SMG1: variants seen among roughly 807,000 people sequenced by gnomAD.
The protein encoded by SMG1 is serine/threonine-protein kinase SMG1.
A neutral mutation model predicts 419.9 loss-of-function variants in SMG1; 22 were observed. The ratio of observed to expected loss-of-function variants is 0.05; its 90% confidence interval spans 0.04 to 0.07. The LOEUF (loss-of-function observed/expected upper bound fraction) is 0.07, where lower values mean the gene tolerates loss of function less well. SMG1 is among the 10% of genes least tolerant of loss of function. The pLI is 1.00. For missense variants in SMG1, 3,185 were observed against 4,342.0 expected (o/e 0.73, Z 7.49); for synonymous variants, 1,538 against 1,553.5 (o/e 0.99, Z 0.23).
intron 60 of SMG1, among the ~76,000 whole-genome samples, chr16:18,812,619 C>T (rs1469676714): frequency 6.9e-5 from 10 of 145,794 alleles, no homozygotes; most frequent in Non-Finnish European, 1.4e-4. Context: ...TACATACACA[C>T]ATATATATAC....
chr16:18,857,649 A>C (rs146475034), intron 29 of SMG1: 1 of 152,374 alleles, frequency 6.6e-6, no homozygotes, highest in East Asian at 1.9e-4. Context: ...AAACACAAAT[A>C]TACGTCCACT....
intron 1 of SMG1, among the ~76,000 whole-genome samples, chr16:18,898,456 A>G (rs1205432060): frequency 6.6e-6 from 1 of 152,190 alleles, no homozygotes; most frequent in Admixed American, 6.5e-5. Flanking sequence ...TAAGTCTATA[A>G]GCATTAAAAT....
Position 18,870,817 on chromosome 16 carries a change from C to T in SMG1, c.2374G>A (p.Asp792Asn). The change falls in exon 17 of 63, where the codon GAT becomes AAT. Residue 792 changes from aspartate (D) to asparagine (N), a missense_variant. Physicochemically the swap from Asp to Asn is conservative, Grantham distance 23. Coordinates refer to ENST00000446231, the MANE Select transcript of SMG1 (RefSeq NM_015092.5). ...ATTTCATACCTCTGTAAAAGATCAT[C>T]TGGCAAGGAAGAGGACAGAGCATGT... Reference protein sequence around the residue: ...SLHALSSSLPDDLLQRCVDVC... With the variant: ...SLHALSSSLPNDLLQRCVDVC... The T allele has an allele frequency of 6.3e-7, 1 of 1,583,920 alleles. No individual in the cohort carries two copies. Among genetic ancestry groups the T allele is most frequent in the South Asian group, 1.2e-5 (1 of 86,902 alleles).
chr16:18,862,671 A>G (rs1470789040), intron 25 of SMG1, among the ~76,000 whole-genome samples: 1 of 152,024 alleles, frequency 6.6e-6, no homozygotes, highest in Non-Finnish European at 1.5e-5. Context: ...CAGTCTCTTC[A>G]CCATAGCAGA....
intron 1 of SMG1, among the ~76,000 whole-genome samples, chr16:18,914,868 T>C (rs565333391): frequency 1.3e-5 from 2 of 152,144 alleles, no homozygotes; most frequent in Non-Finnish European, 2.9e-5. Context: ...TAAGTCAATG[T>C]GTAAAAAGAC....
At position 18,843,879 on chromosome 16, in the gene SMG1, A is replaced by C. The variant is rs2034070197; in HGVS notation, c.6220-1425T>G. 2.0e-5 allele frequency among the ~76,000 whole-genome samples: 3 copies of C among 152,178 alleles called. No individual in the cohort carries two copies. The South Asian group carries it at 6.2e-4, about 32-fold the overall frequency. On this transcript the variant is annotated intron_variant, in intron 39 of 62. Transcript: ENST00000446231. ...TAGGGAGAGAAGTGGGACTTCTATA[A>C]AGTTTAATTTCTTTAGGTAATTCCT... is the stretch of plus-strand genomic sequence containing the variant.
At chr16:18,919,650 GTA>G (rs1555507750) in intron 1 of SMG1, among the ~76,000 whole-genome samples, 866 of 82,028 alleles carry the variant, frequency 0.011, 12 homozygotes, top group African/African-American at 0.037. Context: ...GTGTGTGTGT[GTA>G]TATATACACA....
rs2270506 is a variant in SMG1 at position 18,817,272 on chromosome 16, T to G, written c.10074+19A>C. Reference sequence around the variant, plus strand: ...AACACTAGCCTTATTTAATCAAGTTTCTTTCCACCAAGACTCACCACTCTC... The same window carrying G: ...AACACTAGCCTTATTTAATCAAGTTGCTTTCCACCAAGACTCACCACTCTC... On this transcript the variant is annotated intron_variant, in intron 57 of 62. Transcript: ENST00000446231. 4,270 of 1,588,720 alleles carry G rather than the reference T, an allele frequency of 2.7e-3. 161 individuals are homozygous for G. In the East Asian group the frequency reaches 0.077, roughly 28 times the overall value.
chr16:18,844,679 C>G (rs2034156251), intron 39 of SMG1, among the ~76,000 whole-genome samples: 1 of 150,974 alleles, frequency 6.6e-6, no homozygotes, highest in Non-Finnish European at 1.5e-5. Flanking sequence ...AATTTAGCAC[C>G]TTGCATTTGC....
Position 18,869,989 on chromosome 16 carries a change from T to A in SMG1, c.2498A>T (p.Asn833Ile). The A allele has an allele frequency of 6.5e-7, 1 of 1,539,288 alleles. No homozygotes were observed. The change falls in exon 19 of 63, where the codon AAC becomes ATC. Residue 833 changes from asparagine to isoleucine, a missense_variant. Physicochemically the swap from Asn to Ile is moderately radical, Grantham distance 149. Around this residue, in one of 27 missense-constraint regions of SMG1, gnomAD observed 297 missense variants for 491.0 expected, o/e 0.60. Transcript: ENST00000446231. The part of the protein sequence containing the change: ...SIPLDVVLSN[N>I]NHTEIQEISL... ...AATTTCTTGAATTTCTGTGTGATTGTTATTGCTGTAGACAGAAAATAAAGT... is the reference window on the plus strand; with the variant it reads ...AATTTCTTGAATTTCTGTGTGATTGATATTGCTGTAGACAGAAAATAAAGT...
At chr16:18,827,916 G>C in intron 55 of SMG1, 115 bp downstream of exon 55, 2 of 966,848 alleles carry the variant, frequency 2.1e-6, no homozygotes, top group Non-Finnish European at 1.4e-6. Context: ...TGCTCTTCTG[G>C]CTTACAAGCC....
intron 40 of SMG1, among the ~76,000 whole-genome samples, 154 bp from the exon 41 acceptor site, chr16:18,841,948 G>A (rs2033950993): frequency 1.3e-5 from 2 of 152,130 alleles, no homozygotes; most frequent in Non-Finnish European, 2.9e-5. Context: ...ACAAGATATT[G>A]GCAGTAGATA....
Position 18,842,364 on chromosome 16 carries a change from T to C in SMG1, c.6310A>G (p.Asn2104Asp). 2.5e-6 allele frequency: 4 copies of C among 1,614,054 alleles called. No homozygotes were observed. The highest frequency in any genetic ancestry group is 2.2e-5 in the East Asian group (1 of 44,888). Residue 2104 changes from asparagine to aspartate, a missense_variant, in exon 40 of 63, where the codon AAC (asparagine) becomes GAC (aspartate). Transcript: ENST00000446231. ...EISPWLAAMT[N>D]TEIALPGEVS... ...TCCCCAGGAAGAGCAATTTCAGTGT[T>C]AGTCATGGCAGCCAACCATGGACTG...
chr16:18,915,452 C>G (rs2037933637), intron 1 of SMG1, among the ~76,000 whole-genome samples: 1 of 152,124 alleles, frequency 6.6e-6, no homozygotes. Context: ...CTGGAGTTAA[C>G]ACTAACTATA....
intron 60 of SMG1, among the ~76,000 whole-genome samples, chr16:18,813,751 G>C (rs1051103419): frequency 1.3e-5 from 2 of 152,250 alleles, no homozygotes; most frequent in African/African-American, 4.8e-5. Context: ...CCTATGTCCT[G>C]AATGGTATTG....
At chr16:18,834,158 T>C (rs1193969137) in intron 50 of SMG1, 46 bp downstream of exon 50, 3 of 1,363,060 alleles carry the variant, frequency 2.2e-6, no homozygotes, top group Admixed American at 2.1e-5. Flanking sequence ...AGAAAGACAA[T>C]ATTCAGTATC....
intron 36 of SMG1, 69 bp downstream of exon 36, chr16:18,849,148 C>A: frequency 4.3e-5 from 34 of 794,136 alleles, no homozygotes; most frequent in East Asian, 2.4e-4. Context: ...AGCTTAAAAA[C>A]TTTGACCTCA....
chr16:18,806,703 C>T lies in SMG1; in HGVS notation c.*2866G>A, dbSNP rs2141899573. On this transcript the variant is annotated 3_prime_UTR_variant, in exon 63 of 63. Transcript: ENST00000446231. ...GGTTGTTTGTAGGTTATTCTGTACC[C>T]CCTGATTCTTAAAGAAAGTGGAGGA... The T allele has an allele frequency of 6.6e-6, 1 of 152,150 alleles. No individual in the cohort carries two copies. Among genetic ancestry groups the T allele is most frequent in the South Asian group, 2.1e-4 (1 of 4,816 alleles). The allele number at this position is 152,150 out of a possible 1,614,324, so 9.4% of individuals were successfully genotyped here.
At chr16:18,905,422 A>G (rs2037521811) in intron 1 of SMG1, among the ~76,000 whole-genome samples, 2 of 152,044 alleles carry the variant, frequency 1.3e-5, no homozygotes, top group South Asian at 4.1e-4. Context: ...GCAACACACC[A>G]CTGAAGCTAT....
Sources: gnomAD v4.1 joint callset for allele counts (sites outside exome capture counted in the v4.1 genomes callset) on GRCh38, gnomAD v4.1.1 for gene constraint, gnomAD v4.1.1 regional missense constraint, MANE v1.5 for transcripts, NCBI Gene and HGNC (gene_info 2026-07-23, HGNC 2026-07-21) for gene names.